COL11A1: variants seen among roughly 807,000 people sequenced by gnomAD.
COL11A1 encodes the protein collagen alpha-1(XI) chain.
In COL11A1, 74 loss-of-function variants were observed where a neutral mutation model predicts 265.2. The observed-to-expected ratio is 0.28, with a 90% confidence interval of 0.23 to 0.34. The LOEUF is 0.34. Among genes scored for constraint, COL11A1 ranks in the 10% least tolerant of loss-of-function variants. The pLI, the probability that COL11A1 is intolerant of heterozygous loss-of-function variation, is 1.00. For missense variants in COL11A1, 2,165 were observed against 2,263.6 expected (o/e 0.96, Z 0.88); for synonymous variants, 816 against 727.6 (o/e 1.12, Z -1.96).
intron 4 of COL11A1, among the ~76,000 whole-genome samples, chr1:103,048,757 C>T (rs911290400): frequency 3.3e-5 from 5 of 152,160 alleles, no homozygotes; most frequent in Admixed American, 1.3e-4. Context: ...TTTCCCTCTA[C>T]ACACTGCTTT....
rs942586858 is a variant in COL11A1, at chr1:102,910,728, G to A, written c.4086+1431C>T. The stretch of plus-strand genomic sequence containing the variant: ...TTATGTTCAACCCAACACTAGGGTG[G>A]GTGTTAGGTCCTCTGAGAAACAGAA... On this transcript the variant is annotated intron_variant, in intron 54 of 66. Coordinates refer to ENST00000370096, the MANE Select transcript of COL11A1 (RefSeq NM_001854.4). 2.0e-5 allele frequency among the ~76,000 whole-genome samples: 3 copies of A among 151,832 alleles called. No individual in the cohort carries two copies. The East Asian group carries it at 5.8e-4, about 29-fold the overall frequency.
At position 102,904,376 on chromosome 1, in the gene COL11A1, G is replaced by C. The variant is rs552551397; in HGVS notation, c.4087-5382C>G. Among the ~76,000 whole-genome samples, 1,076 of 152,178 alleles carry C rather than the reference G, an allele frequency of 7.1e-3. 19 individuals are homozygous for C. The highest frequency in any genetic ancestry group is 0.025 in the African/African-American group (1,025 of 41,506). On this transcript the variant is annotated intron_variant, in intron 54 of 66. Transcript: ENST00000370096. Reference sequence around the variant, plus strand: ...AACAAAAGCCAAAATTGACAAATGGGATCTAATTAAACTAAAGAGATTCTG... The same window carrying C: ...AACAAAAGCCAAAATTGACAAATGGCATCTAATTAAACTAAAGAGATTCTG...
intron 8 of COL11A1, 110 bp downstream of exon 8, chr1:103,022,632 A>G: frequency 7.5e-7 from 1 of 1,324,808 alleles, no homozygotes. Flanking sequence ...CATAATTTAC[A>G]TAAAAATTCA....
chr1:102,935,013 A>T, intron 45 of COL11A1, 47 bp downstream of exon 45: 1 of 1,574,660 alleles, frequency 6.4e-7, no homozygotes, highest in South Asian at 1.1e-5. Flanking sequence ...AAATTTAATC[A>T]GGGAGCTGTA....
chr1:103,031,285 C>T (rs747804273), intron 4 of COL11A1, 41 bp from the exon 5 acceptor site: 1 of 1,587,846 alleles, frequency 6.3e-7, no homozygotes, highest in Non-Finnish European at 8.5e-7. Flanking sequence ...GACACAGATT[C>T]AGTTAGCATA....
At chr1:102,953,763 C>A (rs1660112229) in intron 41 of COL11A1, among the ~76,000 whole-genome samples, 2 of 151,900 alleles carry the variant, frequency 1.3e-5, no homozygotes, top group Non-Finnish European at 2.9e-5. Flanking sequence ...GTATAAAATA[C>A]CCTGTTAAAA....
rs1665211607 is a variant in COL11A1 at position 103,002,565 on chromosome 1, C to T, written c.2044-84G>A. The T allele has an allele frequency of 4.0e-6, 5 of 1,241,524 alleles. No individual in the cohort carries two copies. In the African/African-American group the frequency reaches 4.5e-5, roughly 11 times the overall value. The allele number at this position is 1,241,524 out of a possible 1,614,324, so 76.9% of individuals were successfully genotyped here. ...TCTTCTCAATTGGAAAATACCTCTA[C>T]CCACCCTCAAACAGTTTTCCCTCAT... On this transcript the variant is annotated intron_variant, in intron 22 of 66. Coordinates refer to ENST00000370096, the MANE Select transcript of COL11A1 (RefSeq NM_001854.4).
Position 102,886,988 on chromosome 1 carries a change from T to C in COL11A1, c.4677A>G (p.Glu1559=), listed in dbSNP as rs202048103. 2.9e-5 allele frequency: 47 copies of C among 1,613,820 alleles called. No homozygotes were observed. The highest frequency in any genetic ancestry group is 1.6e-4 in the Middle Eastern group (1 of 6,080). Residue 1559 remains glutamate (E), a synonymous_variant, in exon 63 of 67, where the codon GAA becomes GAG. Transcript: ENST00000370096. ...LSSKKTRRHT[E]GMQADADDNI... is the part of the protein sequence containing the mutation. The stretch of plus-strand genomic sequence containing the variant: ...TATCATCTGCATCTGCTTGCATGCC[T>C]TCAGTATGTCTTCTCGTTTTTTTGG...
At chr1:103,048,548 A>G (rs527688903) in intron 4 of COL11A1, among the ~76,000 whole-genome samples, 17 of 152,246 alleles carry the variant, frequency 1.1e-4, no homozygotes, top group Middle Eastern at 3.4e-3. Flanking sequence ...TCAGAAAACC[A>G]GCTCCTGGAC....
chr1:102,954,714 G>T (rs1031567526), intron 41 of COL11A1, among the ~76,000 whole-genome samples: 2 of 151,902 alleles, frequency 1.3e-5, no homozygotes, highest in Non-Finnish European at 2.9e-5. Context: ...GTTGGTGGTG[G>T]GTGCCTGCAA....
intron 37 of COL11A1, among the ~76,000 whole-genome samples, chr1:102,965,827 T>C (rs1661350713): frequency 6.6e-6 from 1 of 152,140 alleles, no homozygotes; most frequent in Non-Finnish European, 1.5e-5. Context: ...TCAAACAACA[T>C]ACAGAATTTT....
At chr1:103,001,515 G>A in intron 24 of COL11A1, 1 of 446,608 alleles carries the variant, frequency 2.2e-6, no homozygotes. Flanking sequence ...ATTCATATAT[G>A]AGATATAATG....
At chr1:102,947,011 G>T in intron 41 of COL11A1, 55 bp from the exon 42 acceptor site, 1 of 1,365,038 alleles carries the variant, frequency 7.3e-7, no homozygotes, top group Non-Finnish European at 1.0e-6. Context: ...ACTGGCTTAA[G>T]AATCACTTAT....
intron 30 of COL11A1, among the ~76,000 whole-genome samples, chr1:102,985,336 C>T (rs1663433439): frequency 6.6e-6 from 1 of 151,948 alleles, no homozygotes; most frequent in African/African-American, 2.4e-5. Context: ...GGTTTATGAC[C>T]TTGTTAGTAC....
At chr1:102,883,086 G>A (rs1352869998) in intron 64 of COL11A1, 113 bp downstream of exon 64, 3 of 767,938 alleles carry the variant, frequency 3.9e-6, no homozygotes, top group African/African-American at 3.4e-5. Flanking sequence ...TAATTATTTT[G>A]TAAGAAAAGC....
At chr1:102,987,809 T>A (rs1663730750) in intron 29 of COL11A1, 69 bp from the exon 30 acceptor site, 1 of 1,149,342 alleles carries the variant, frequency 8.7e-7, no homozygotes, top group Admixed American at 1.7e-5. Flanking sequence ...AGGGAAAAAA[T>A]TATGACAGTG....
chr1:102,961,421 A>C (rs796196028), intron 41 of COL11A1, among the ~76,000 whole-genome samples: 6 of 152,312 alleles, frequency 3.9e-5, no homozygotes, highest in African/African-American at 1.4e-4. Flanking sequence ...AGTCTCATCA[A>C]GTACTTATAA....
At chr1:102,892,752 T>A (rs1651931638) in intron 57 of COL11A1, among the ~76,000 whole-genome samples, 1 of 152,174 alleles carries the variant, frequency 6.6e-6, no homozygotes, top group Non-Finnish European at 1.5e-5. Flanking sequence ...TTATGTTTTT[T>A]AATTCATAAC....
chr1:103,028,557 T>C (rs1667739415), intron 5 of COL11A1, among the ~76,000 whole-genome samples: 1 of 152,196 alleles, frequency 6.6e-6, no homozygotes, highest in Non-Finnish European at 1.5e-5. Flanking sequence ...GAACTAGTTA[T>C]AATCAATCAG....
Sources: gnomAD v4.1 joint callset for allele counts (sites outside exome capture counted in the v4.1 genomes callset) on GRCh38, gnomAD v4.1.1 for gene constraint, MANE v1.5 for transcripts, NCBI Gene and HGNC (gene_info 2026-07-23, HGNC 2026-07-21) for gene names.